TRPM4: variants seen among roughly 807,000 people sequenced by gnomAD.
TRPM4 encodes transient receptor potential cation channel subfamily M member 4, also known as calcium-activated non-selective cation channel 1.
Under a neutral mutation model 135.6 loss-of-function variants are expected in TRPM4, and 124 were observed. That is an observed-to-expected ratio of 0.91 (90% CI 0.79 to 1.06). The LOEUF is 1.06. TRPM4 is among the 50% of genes least tolerant of loss of function. TRPM4 has a pLI of 0.00. For synonymous variants in TRPM4, 745 were observed against 705.6 expected (o/e 1.06, Z -0.88); for missense variants, 1,658 against 1,671.4 (o/e 0.99, Z 0.14).
At chr19:49,166,558 G>A (rs1236453053) in intron 3 of TRPM4, among the ~76,000 whole-genome samples, 1 of 47,658 alleles carries the variant, frequency 2.1e-5, no homozygotes, top group Admixed American at 2.1e-4. Context: ...CTCTCTCTCT[G>A]GGTCTCTGTC....
Position 49,211,487 on chromosome 19 carries a change from C to T in TRPM4, c.3641-7C>T, listed in dbSNP as rs1296920929. ...TCACCTGCTCTCTCTTTTCTCTCTT[C>T]CCCCAGACTGAGCCCTGCTGGCGGA... On this transcript the variant is annotated splice_polypyrimidine_tract_variant and splice_region_variant and intron_variant, in intron 24 of 24. Transcript: ENST00000252826. This position sits in a 1 kb window ranked among gnomAD's most constrained non-coding sequence, Gnocchi z 4.8. The T allele has an allele frequency of 1.2e-6, 2 of 1,614,000 alleles. No homozygotes were observed. The highest frequency in any genetic ancestry group is 1.7e-6 in the Non-Finnish European group (2 of 1,180,034).
chr19:49,211,082 C>G lies in TRPM4; in HGVS notation c.3529C>G (p.Arg1177Gly), dbSNP rs145109683. 2 of 1,613,994 alleles carry G rather than the reference C, an allele frequency of 1.2e-6. No homozygotes were observed. The highest frequency in any genetic ancestry group is 4.5e-5 in the East Asian group (2 of 44,866). Residue 1177 changes from arginine to glycine, a missense_variant, in exon 23 of 25, where the codon CGG becomes GGG. Physicochemically the swap from Arg to Gly is moderately radical, Grantham distance 125. Transcript: ENST00000252826. This position sits in a 1 kb window ranked among gnomAD's most constrained non-coding sequence, Gnocchi z 4.8. Reference sequence around the variant, plus strand: ...CGAACAGCGCCTGAAAGTGCTGGAGCGGGAGGTGAGGCCTTGGGGCCTGGC... The same window carrying G: ...CGAACAGCGCCTGAAAGTGCTGGAGGGGGAGGTGAGGCCTTGGGGCCTGGC... ...EYEQRLKVLE[R>G]EVQQCSRVLG... is the part of the protein sequence containing the mutation.
At chr19:49,181,624 T>C (rs1967930421) in intron 10 of TRPM4, among the ~76,000 whole-genome samples, 163 bp downstream of exon 10, 1 of 146,402 alleles carries the variant, frequency 6.8e-6, no homozygotes, top group Non-Finnish European at 1.5e-5. Context: ...CTCCGCCACC[T>C]GGGTTCACGC....
chr19:49,157,922 G>T (rs970536463), intron 1 of TRPM4, 32 bp downstream of exon 1: 29 of 1,534,130 alleles, frequency 1.9e-5, no homozygotes, highest in Middle Eastern at 3.8e-4. Context: ...GCGGGAGCGC[G>T]GAGCTGGGGA....
At chr19:49,172,649 T>C (rs771107899) in intron 9 of TRPM4, among the ~76,000 whole-genome samples, 9 of 150,980 alleles carry the variant, frequency 6.0e-5, no homozygotes, top group Non-Finnish European at 1.2e-4. Flanking sequence ...TTCTCACCTG[T>C]CCATCTACAC....
rs373749900 is a variant in TRPM4 at position 49,168,682 on chromosome 19, C to G, written c.742C>G (p.Arg248Gly). The change falls in exon 6 of 25, where the codon CGC becomes GGC. Residue 248 changes from arginine to glycine, a missense_variant. Arg to Gly is a moderately radical substitution (Grantham distance 125). Coordinates refer to ENST00000252826, the MANE Select transcript of TRPM4 (RefSeq NM_017636.4). ...ACACGGCTGCCTGGGGGGCGAGAACCGCTTCCGCTTGCGCCTGGAGTCCTA... is the reference window on the plus strand; with the variant it reads ...ACACGGCTGCCTGGGGGGCGAGAACGGCTTCCGCTTGCGCCTGGAGTCCTA... ...GTHGCLGGENRFRLRLESYIS... is the reference protein window; with the variant it reads ...GTHGCLGGENGFRLRLESYIS... 2.5e-6 allele frequency: 4 copies of G among 1,611,272 alleles called. No individual in the cohort carries two copies. The highest frequency in any genetic ancestry group is 3.3e-4 in the Middle Eastern group (2 of 6,062).
Position 49,171,499 on chromosome 19 carries a change from G to A in TRPM4, c.859-79G>A. The A allele has an allele frequency of 1.9e-6, 3 of 1,611,404 alleles. No individual in the cohort carries two copies. Among genetic ancestry groups the A allele is most frequent in the Non-Finnish European group, 2.5e-6 (3 of 1,177,732 alleles). On this transcript the variant is annotated intron_variant, in intron 7 of 24. Coordinates refer to ENST00000252826, the MANE Select transcript of TRPM4 (RefSeq NM_017636.4). This position sits in a 1 kb window ranked among gnomAD's most constrained non-coding sequence, Gnocchi z 4.7. The stretch of plus-strand genomic sequence containing the variant: ...TCCTGGGTCCTGAGTCTTAGGGAGG[G>A]TCTGGGGGTCTGACTCCGGGTAGGG...
Position 49,165,934 on chromosome 19 carries a change from G to T in TRPM4, c.93-107G>T, listed in dbSNP as rs954517443. 6.0e-6 allele frequency: 7 copies of T among 1,163,628 alleles called. No individual in the cohort carries two copies. In the East Asian group the frequency reaches 1.3e-4, roughly 21 times the overall value. The allele number at this position is 1,163,628 out of a possible 1,614,324, so 72.1% of individuals were successfully genotyped here. A position where few individuals can be genotyped will look rare whatever the true frequency, so the allele number is the denominator to read the frequency against. ...GCGTGGACTCTGCCTGCCTCTGTGG[G>T]TGTGGACTCAGTGTCGACAGCCCCC... On this transcript the variant is annotated intron_variant, in intron 2 of 24. Transcript: ENST00000252826.
At chr19:49,167,795 T>C (rs554482491) in intron 3 of TRPM4, 122 bp from the exon 4 acceptor site, 51 of 562,756 alleles carry the variant, frequency 9.1e-5, no homozygotes, top group African/African-American at 5.3e-4. Flanking sequence ...TCTCTGTCCC[T>C]CTCTCTCTGG....
At chr19:49,200,821 GTC>G in intron 19 of TRPM4, 36 bp downstream of exon 19, 1 of 1,610,548 alleles carries the variant, frequency 6.2e-7, no homozygotes, top group Non-Finnish European at 8.5e-7. Context: ...CTTCCTCTGA[GTC>G]TCTGTCCCCG....
chr19:49,194,917 C>A (rs1968573462), intron 16 of TRPM4, among the ~76,000 whole-genome samples: 1 of 150,352 alleles, frequency 6.7e-6, no homozygotes, highest in Non-Finnish European at 1.5e-5. Flanking sequence ...TATAAACACA[C>A]CTGGCTAATT....
intron 16 of TRPM4, among the ~76,000 whole-genome samples, chr19:49,191,962 T>G (rs150093872): frequency 3.9e-5 from 6 of 152,306 alleles, no homozygotes; most frequent in African/African-American, 1.4e-4. Context: ...GAAATTGATT[T>G]TCTTCATGCT....
intron 2 of TRPM4, among the ~76,000 whole-genome samples, chr19:49,164,682 TCTTGCTTG>T (rs113888558): frequency 0.21 from 29,942 of 144,458 alleles, 3,539 homozygotes; most frequent in South Asian, 0.32. Context: ...GCGCCCGGCC[TCTTGCTTG>T]CTTGCTTGCT....
rs772915581 is a variant in TRPM4 at position 49,211,138 on chromosome 19, G to A, written c.3535-26G>A. 6.8e-6 allele frequency: 11 copies of A among 1,609,358 alleles called. No individual in the cohort carries two copies. Among genetic ancestry groups the A allele is most frequent in the Non-Finnish European group, 9.3e-6 (11 of 1,178,120 alleles). ...GACTGTGGCAGGGGTCCCATCTCCC[G>A]CTCTGACATTCCTCCCATTCCGCAG... On this transcript the variant is annotated intron_variant, in intron 23 of 24. Transcript: ENST00000252826. This position sits in a 1 kb window ranked among gnomAD's most constrained non-coding sequence, Gnocchi z 4.8.
intron 20 of TRPM4, among the ~76,000 whole-genome samples, chr19:49,208,629 A>G (rs964223870): frequency 7.2e-5 from 11 of 152,144 alleles, no homozygotes; most frequent in Non-Finnish European, 1.3e-4. Flanking sequence ...AGTAATTGCT[A>G]CAAACTAATG....
At chr19:49,201,351 G>A (rs1422021982) in intron 19 of TRPM4, among the ~76,000 whole-genome samples, 1 of 152,078 alleles carries the variant, frequency 6.6e-6, no homozygotes, top group East Asian at 1.9e-4. Context: ...TGTTGAGAAA[G>A]GTAAAAACAC....
chr19:49,177,882 G>T lies in TRPM4; in HGVS notation c.1151-3467G>T, dbSNP rs114805214. Among the ~76,000 whole-genome samples, 889 of 152,260 alleles carry T rather than the reference G, an allele frequency of 5.8e-3. 9 individuals carry two copies. Among genetic ancestry groups the T allele is most frequent in the African/African-American group, 0.02 (817 of 41,548 alleles). On this transcript the variant is annotated intron_variant, in intron 9 of 24. Coordinates refer to ENST00000252826, the MANE Select transcript of TRPM4 (RefSeq NM_017636.4). Reference sequence around the variant, plus strand: ...ATGTTTGGAGAGAGGTCAGAGGCTCGCAGGGTTGGTATGTATCATTGGCAT... The same window carrying T: ...ATGTTTGGAGAGAGGTCAGAGGCTCTCAGGGTTGGTATGTATCATTGGCAT...
At chr19:49,169,006 T>C (rs916067967) in intron 6 of TRPM4, among the ~76,000 whole-genome samples, 1 of 150,472 alleles carries the variant, frequency 6.6e-6, no homozygotes, top group African/African-American at 2.4e-5. Flanking sequence ...ACCTTGTCTC[T>C]ACCAATAATA....
At chr19:49,178,829 G>A (rs1600444289) in intron 9 of TRPM4, among the ~76,000 whole-genome samples, 1 of 151,812 alleles carries the variant, frequency 6.6e-6, no homozygotes, top group African/African-American at 2.4e-5. Context: ...CACGATCTTG[G>A]CTCACTACAA....
Sources: allele counts gnomAD v4.1 joint callset (sites outside exome capture counted in the v4.1 genomes callset), GRCh38; gene constraint gnomAD v4.1.1; non-coding constraint Gnocchi (gnomAD v3.1); transcripts MANE v1.5; gene names NCBI Gene and HGNC (gene_info 2026-07-23, HGNC 2026-07-21).